Variants in EFNA5 observed in about 807,000 individuals in gnomAD.
EFNA5 encodes the protein ephrin A5.
Under a neutral mutation model 22.9 loss-of-function variants are expected in EFNA5, and 5 were observed. The observed-to-expected ratio is 0.22, with a 90% confidence interval of 0.11 to 0.46. The LOEUF is 0.46. Among genes scored for constraint, EFNA5 ranks in the 20% least tolerant of loss-of-function variants. The probability of loss-of-function intolerance (pLI) is 0.99; values close to 1 mark genes in which losing one functional copy is unlikely to be tolerated. For synonymous variants in EFNA5, 113 were observed against 112.2 expected, an observed-to-expected ratio of 1.01 and a Z score of -0.04; for missense variants, 237 against 293.3, an observed-to-expected ratio of 0.81 and a Z score of 1.40.
intron 1 of EFNA5, among the ~76,000 whole-genome samples, chr5:107,534,772 A>G (rs1178750767): frequency 6.6e-6 from 1 of 152,230 alleles, no homozygotes; most frequent in Non-Finnish European, 1.5e-5. Context: ...CAGAAAGCTT[A>G]TCAAAATCTG....
At chr5:107,615,039 A>G (rs1432287263) in intron 1 of EFNA5, among the ~76,000 whole-genome samples, 1 of 152,164 alleles carries the variant, frequency 6.6e-6, no homozygotes, top group Non-Finnish European at 1.5e-5. Flanking sequence ...TAACTGCCAA[A>G]AGAAAATTAG....
chr5:107,629,803 T>A (rs1750210681), intron 1 of EFNA5, among the ~76,000 whole-genome samples: 1 of 152,164 alleles, frequency 6.6e-6, no homozygotes, highest in African/African-American at 2.4e-5. Flanking sequence ...ATGCCTGTAA[T>A]CCCAGCACTT....
chr5:107,467,330 A>G (rs1750014646), intron 1 of EFNA5, among the ~76,000 whole-genome samples: 1 of 152,142 alleles, frequency 6.6e-6, no homozygotes, highest in South Asian at 2.1e-4. Flanking sequence ...TCAAGCAGTC[A>G]AGAAAAAAAA....
intron 1 of EFNA5, among the ~76,000 whole-genome samples, chr5:107,616,702 A>G (rs1490766366): frequency 6.6e-6 from 1 of 152,200 alleles, no homozygotes; most frequent in Non-Finnish European, 1.5e-5. Context: ...AATTATAACA[A>G]GTATCTGAAC....
intron 1 of EFNA5, among the ~76,000 whole-genome samples, chr5:107,524,538 T>C (rs1286291156): frequency 1.3e-5 from 2 of 152,244 alleles, no homozygotes; most frequent in Non-Finnish European, 2.9e-5. Context: ...AACACATTTT[T>C]TACTACTGGC....
At chr5:107,624,558 G>A (rs1203581339) in intron 1 of EFNA5, among the ~76,000 whole-genome samples, 3 of 151,958 alleles carry the variant, frequency 2.0e-5, no homozygotes, top group African/African-American at 4.8e-5. Flanking sequence ...TCAAATTCTG[G>A]TTATCACTTT....
intron 4 of EFNA5, among the ~76,000 whole-genome samples, chr5:107,385,454 C>G (rs2112485900): frequency 6.6e-6 from 1 of 152,232 alleles, no homozygotes; most frequent in Non-Finnish European, 1.5e-5. Context: ...AGATCATAAT[C>G]CTGGGTAATT....
intron 1 of EFNA5, among the ~76,000 whole-genome samples, chr5:107,499,205 A>C (rs1580496900): frequency 6.6e-6 from 1 of 152,226 alleles, no homozygotes; most frequent in Admixed American, 6.5e-5. Context: ...ATCGGGAGAA[A>C]GTAAACATAC....
intron 1 of EFNA5, among the ~76,000 whole-genome samples, chr5:107,652,438 T>C (rs1447703629): frequency 2.6e-5 from 4 of 152,210 alleles, no homozygotes; most frequent in African/African-American, 9.6e-5. Flanking sequence ...TCATGCTTTA[T>C]TGTGACACTA....
chr5:107,383,091 C>G (rs527413011), intron 4 of EFNA5, among the ~76,000 whole-genome samples: 156 of 152,306 alleles, frequency 1.0e-3, no homozygotes, highest in African/African-American at 3.7e-3. Context: ...TTTTGTCCAT[C>G]ACATCCATTC....
intron 4 of EFNA5, among the ~76,000 whole-genome samples, chr5:107,385,858 T>G (rs558848574): frequency 6.6e-6 from 1 of 152,230 alleles, no homozygotes; most frequent in Admixed American, 6.5e-5. Context: ...CTAAAGCAGC[T>G]AACTGATCCC....
intron 1 of EFNA5, among the ~76,000 whole-genome samples, chr5:107,430,455 A>C (rs147023723): frequency 6.6e-6 from 1 of 152,134 alleles, no homozygotes; most frequent in African/African-American, 2.4e-5. Context: ...GCACTGCTCA[A>C]AGTGAAAGTA....
intron 1 of EFNA5, among the ~76,000 whole-genome samples, chr5:107,659,689 A>T (rs960707618): frequency 6.6e-6 from 1 of 151,974 alleles, no homozygotes; most frequent in African/African-American, 2.4e-5. Flanking sequence ...TAAAAAAAAA[A>T]TAATTTGCAA....
chr5:107,535,305 T>C (rs1747905190), intron 1 of EFNA5, among the ~76,000 whole-genome samples: 1 of 152,134 alleles, frequency 6.6e-6, no homozygotes, highest in Admixed American at 6.6e-5. Context: ...ACCTAACAAA[T>C]AATACAGTAT....
At chr5:107,631,884 T>C (rs1299558553) in intron 1 of EFNA5, among the ~76,000 whole-genome samples, 2 of 152,242 alleles carry the variant, frequency 1.3e-5, no homozygotes, top group African/African-American at 2.4e-5. Context: ...ATTTGATTTT[T>C]TTCACTGCTG....
intron 1 of EFNA5, among the ~76,000 whole-genome samples, chr5:107,663,758 G>T (rs1255860458): frequency 1.3e-5 from 2 of 152,010 alleles, no homozygotes; most frequent in African/African-American, 4.8e-5. Flanking sequence ...ATTCTGATAT[G>T]CATATAAAAA....
At chr5:107,409,598 A>C (rs2112399791) in intron 2 of EFNA5, among the ~76,000 whole-genome samples, 1 of 152,298 alleles carries the variant, frequency 6.6e-6, no homozygotes. Flanking sequence ...GCTTAGTCAT[A>C]ATTGAGGTAT....
intron 1 of EFNA5, among the ~76,000 whole-genome samples, chr5:107,515,814 C>G (rs1278185104): frequency 6.6e-6 from 1 of 152,176 alleles, no homozygotes; most frequent in Non-Finnish European, 1.5e-5. Context: ...GCCCCAAAGG[C>G]TATCTATCTA....
intron 1 of EFNA5, among the ~76,000 whole-genome samples, chr5:107,635,001 A>G (rs1750342638): frequency 6.6e-6 from 1 of 152,236 alleles, no homozygotes; most frequent in African/African-American, 2.4e-5. Flanking sequence ...GACTTCCATT[A>G]TCTAGAAATA....
Sources: gnomAD v4.1 joint callset for allele counts (sites outside exome capture counted in the v4.1 genomes callset) on GRCh38, gnomAD v4.1.1 for gene constraint, MANE v1.5 for transcripts, NCBI Gene and HGNC (gene_info 2026-07-23, HGNC 2026-07-21) for gene names.